The following UGT1A9 variants were observed in gnomAD, a reference collection of about 807,000 sequenced individuals.
The protein encoded by UGT1A9 is UDP-glucuronosyltransferase 1A9.
A neutral mutation model predicts 45.0 loss-of-function variants in UGT1A9; 35 were observed. The ratio of observed to expected loss-of-function variants is 0.78; its 90% confidence interval spans 0.59 to 1.03. UGT1A9 has a LOEUF of 1.03. UGT1A9 is among the 50% of genes least tolerant of loss of function. UGT1A9 has a pLI of 0.00. For synonymous variants in UGT1A9, 278 were observed against 250.6 expected (o/e 1.11, Z -1.03); for missense variants, 687 against 666.6 (o/e 1.03, Z -0.34).
chr2:233,768,873 C>T (rs952377610), intron 4 of UGT1A9, among the ~76,000 whole-genome samples: 1 of 151,950 alleles, frequency 6.6e-6, no homozygotes, highest in African/African-American at 2.4e-5. Flanking sequence ...CATGAGCCAG[C>T]GCGTCTGACC....
At chr2:233,713,191 T>C in intron 1 of UGT1A9, 1 of 1,614,204 alleles carries the variant, frequency 6.2e-7, no homozygotes, top group Non-Finnish European at 8.5e-7. Flanking sequence ...GAGGTGAATA[T>C]GTACATCAAA....
At chr2:233,678,881 C>A (rs1035530359) in intron 1 of UGT1A9, among the ~76,000 whole-genome samples, 2 of 152,164 alleles carry the variant, frequency 1.3e-5, no homozygotes, top group African/African-American at 2.4e-5. Flanking sequence ...TCATGACTTC[C>A]TTGATTGGCT....
chr2:233,730,715 T>G (rs1367168095), intron 1 of UGT1A9, among the ~76,000 whole-genome samples: 4 of 152,064 alleles, frequency 2.6e-5, no homozygotes, highest in Non-Finnish European at 4.4e-5. Flanking sequence ...AATGCTGAAA[T>G]TATCAAGAAA....
At chr2:233,694,075 T>C (rs2075199005) in intron 1 of UGT1A9, among the ~76,000 whole-genome samples, 1 of 152,176 alleles carries the variant, frequency 6.6e-6, no homozygotes, top group African/African-American at 2.4e-5. Flanking sequence ...GGCTCATGCT[T>C]GGCAAGAGTA....
At chr2:233,724,542 G>A (rs1366832768) in intron 1 of UGT1A9, among the ~76,000 whole-genome samples, 3 of 123,126 alleles carry the variant, frequency 2.4e-5, no homozygotes, top group East Asian at 2.5e-4. Context: ...GGGCAGAGGC[G>A]CTCCTCACAT....
chr2:233,760,032 T>C (rs1193675988), intron 1 of UGT1A9, among the ~76,000 whole-genome samples: 1 of 152,208 alleles, frequency 6.6e-6, no homozygotes, highest in Non-Finnish European at 1.5e-5. Context: ...GTTCTGGAAG[T>C]ACTTTGCTGT....
chr2:233,701,871 A>G (rs2075656901), intron 1 of UGT1A9, among the ~76,000 whole-genome samples: 1 of 152,172 alleles, frequency 6.6e-6, no homozygotes, highest in Non-Finnish European at 1.5e-5. Flanking sequence ...TTATAGCACT[A>G]AATGCCCACA....
intron 1 of UGT1A9, among the ~76,000 whole-genome samples, chr2:233,711,012 A>C (rs2076158126): frequency 1.3e-5 from 2 of 152,180 alleles, no homozygotes; most frequent in African/African-American, 4.8e-5. Context: ...GCCTTTTTCT[A>C]TCTCTGAATT....
intron 1 of UGT1A9, among the ~76,000 whole-genome samples, chr2:233,745,353 A>T (rs1446464476): frequency 1.3e-5 from 2 of 151,782 alleles, no homozygotes; most frequent in African/African-American, 2.4e-5. Flanking sequence ...TTTTGGGGGA[A>T]TTTTTTTGAG....
At chr2:233,700,559 AT>A (rs1186450752) in intron 1 of UGT1A9, among the ~76,000 whole-genome samples, 1 of 152,204 alleles carries the variant, frequency 6.6e-6, no homozygotes, top group African/African-American at 2.4e-5. Context: ...GGTTATAAAA[AT>A]ATAACTTTAT....
chr2:233,749,702 A>C lies in UGT1A9; in HGVS notation c.856-17332A>C, dbSNP rs7556792. On this transcript the variant is annotated intron_variant, in intron 1 of 4. Coordinates refer to ENST00000354728, the MANE Select transcript of UGT1A9 (RefSeq NM_021027.3). ...CAAGGACAGGATCTGGTGGGAGGTG[A>C]TTGGATCATGGGGGCAGTTTCGCAC... 9.0e-3 allele frequency among the ~76,000 whole-genome samples: 1,371 copies of C among 151,808 alleles called. 51 individuals carry two copies. The highest frequency in any genetic ancestry group is 0.032 in the African/African-American group (1,324 of 41,154).
intron 1 of UGT1A9, among the ~76,000 whole-genome samples, chr2:233,697,557 G>A (rs1418823193): frequency 2.0e-5 from 3 of 146,378 alleles, no homozygotes; most frequent in African/African-American, 7.6e-5. Context: ...TGTTTATTTA[G>A]CCTCAATTTA....
chr2:233,718,871 G>A (rs1468501233), intron 1 of UGT1A9: 3 of 1,613,900 alleles, frequency 1.9e-6, no homozygotes, highest in Non-Finnish European at 2.5e-6. Context: ...CAGGACTGCT[G>A]CTCCTCCTCA....
chr2:233,681,774 T>G, intron 1 of UGT1A9: 3 of 931,158 alleles, frequency 3.2e-6, no homozygotes, highest in African/African-American at 1.8e-5. Flanking sequence ...AGGCTACTCA[T>G]GTATTATTAT....
chr2:233,755,221 C>G, intron 1 of UGT1A9: 1 of 995,834 alleles, frequency 1.0e-6, no homozygotes. Flanking sequence ...TTGATACCCT[C>G]GGACGAGGCC....
intron 1 of UGT1A9, chr2:233,692,747 GACTTGT>G (rs1369866976): frequency 9.1e-7 from 1 of 1,095,760 alleles, no homozygotes; most frequent in Non-Finnish European, 1.2e-6. Context: ...GGGAGAAGCA[GACTTGT>G]GGAGCTGAAG....
chr2:233,763,240 C>T (rs1698267751), intron 1 of UGT1A9, among the ~76,000 whole-genome samples: 1 of 152,140 alleles, frequency 6.6e-6, no homozygotes, highest in African/African-American at 2.4e-5. Flanking sequence ...TAAATTGTAC[C>T]TTTTAGTAAC....
At chr2:233,756,397 G>GT (rs1005447677) in intron 1 of UGT1A9, 19 of 151,974 alleles carry the variant, frequency 1.3e-4, no homozygotes, top group Admixed American at 5.2e-4. Flanking sequence ...TACAGTATTG[G>GT]TTTTTTATTT....
At chr2:233,755,961 C>T (rs1443749544) in intron 1 of UGT1A9, 1 of 152,160 alleles carries the variant, frequency 6.6e-6, no homozygotes, top group Non-Finnish European at 1.5e-5. Flanking sequence ...TAGTACTTGG[C>T]TCTATAGAGA....
Sources: gnomAD v4.1 joint callset for allele counts (sites outside exome capture counted in the v4.1 genomes callset) on GRCh38, gnomAD v4.1.1 for gene constraint, MANE v1.5 for transcripts, NCBI Gene and HGNC (gene_info 2026-07-23, HGNC 2026-07-21) for gene names.